Variants in PPP1R10 observed in about 807,000 individuals in gnomAD.
The protein encoded by PPP1R10 is serine/threonine-protein phosphatase 1 regulatory subunit 10.
In PPP1R10, 15 loss-of-function variants were observed where a neutral mutation model predicts 99.0. That is an observed-to-expected ratio of 0.15 (90% CI 0.10 to 0.23). The LOEUF (loss-of-function observed/expected upper bound fraction) is 0.23, where lower values mean the gene tolerates loss of function less well. Among genes scored for constraint, PPP1R10 ranks in the 10% least tolerant of loss-of-function variants. The pLI, the probability that PPP1R10 is intolerant of heterozygous loss-of-function variation, is 1.00. For missense variants in PPP1R10, 947 were observed against 1,259.4 expected, an observed-to-expected ratio of 0.75 and a Z score of 3.75; for synonymous variants, 430 against 449.5, an observed-to-expected ratio of 0.96 and a Z score of 0.55.
rs142621776 is a variant in PPP1R10, at chr6:30,604,700, T to C, written c.990A>G (p.Pro330=). 4 of 1,613,100 alleles carry C rather than the reference T, an allele frequency of 2.5e-6. No homozygotes were observed. Among genetic ancestry groups the C allele is most frequent in the Non-Finnish European group, 3.4e-6 (4 of 1,180,036 alleles). The part of the protein sequence containing the change: ...SPFEGKTSTE[P]STAKPSSPEP... ...CTGGGGAAGAAGGTTTGGCTGTGCT[T>C]GGTTCTGTGCTCGTTTTCCCTTCAA... is the stretch of plus-strand genomic sequence containing the variant. The change falls in exon 12 of 20, where the codon CCA becomes CCG. Residue 330 remains proline (P), a synonymous_variant. Transcript: ENST00000376511. This position sits in a 1 kb window ranked among gnomAD's most constrained non-coding sequence, Gnocchi z 7.3.
chr6:30,604,441 C>G lies in PPP1R10; in HGVS notation c.1173G>C (p.Arg391=), dbSNP rs1803698595. ...TCACACTTTTCCTCTTCCTGCCTTT[C>G]CGGGTCAGTTGGTTAGGATCTCCAG... The part of the protein sequence containing the change: ...ESPGDPNQLT[R]KGRKRKSVTW... The change falls in exon 13 of 20, where the codon CGG becomes CGC. Residue 391 remains arginine, a synonymous_variant. Coordinates refer to ENST00000376511, the MANE Select transcript of PPP1R10 (RefSeq NM_002714.4). The surrounding 1 kb of genome is among the most constrained non-coding windows in gnomAD (Gnocchi z 7.3). 6.2e-7 allele frequency: 1 copy of G among 1,613,342 alleles called. No homozygotes were observed. The highest frequency in any genetic ancestry group is 2.2e-5 in the East Asian group (1 of 44,884).
Position 30,616,539 on chromosome 6 carries a change from G to A in PPP1R10, c.-73C>T, listed in dbSNP as rs1472090187. ...AGGGGGGAGGGGGTAAAATTTTGGA[G>A]GAAAAAAAATAAAACAACCAACCAG... On this transcript the variant is annotated 5_prime_UTR_variant, in exon 2 of 20. Transcript: ENST00000376511. 6.6e-6 allele frequency: 1 copy of A among 151,870 alleles called. No homozygotes were observed. Among genetic ancestry groups the A allele is most frequent in the Admixed American group, 6.6e-5 (1 of 15,236 alleles). The allele number at this position is 151,870 out of a possible 1,614,324, so 9.4% of individuals were successfully genotyped here. A position where few individuals can be genotyped will look rare whatever the true frequency, so the allele number is the denominator to read the frequency against.
chr6:30,609,968 GACAAA>G lies in PPP1R10; in HGVS notation c.-11-18_-11-14del, dbSNP rs1349066575. 2.5e-6 allele frequency: 4 copies of G among 1,580,488 alleles called. No homozygotes were observed. Among genetic ancestry groups the G allele is most frequent in the Non-Finnish European group, 3.5e-6 (4 of 1,149,486 alleles). ...ATGATGGTGGTTTCTATGGTAAGAGGACAAAACAAACAAACCCACAGAATAAATGG... is the reference window on the plus strand; with the variant it reads ...ATGATGGTGGTTTCTATGGTAAGAGGACAAACAAACCCACAGAATAAATGG... On this transcript the variant is annotated splice_polypyrimidine_tract_variant and intron_variant, in intron 2 of 19. Transcript: ENST00000376511. The surrounding 1 kb of genome is among the most constrained non-coding windows in gnomAD (Gnocchi z 4.5).
intron 2 of PPP1R10, among the ~76,000 whole-genome samples, 150 bp downstream of exon 2, chr6:30,616,327 CT>C (rs1240007250): frequency 6.6e-6 from 1 of 152,146 alleles, no homozygotes; most frequent in African/African-American, 2.4e-5. Flanking sequence ...CCCACAGGCC[CT>C]TTTTAATGGA....
In PPP1R10 at chr6:30,602,486, T is replaced by TGGAGGAGGA; in HGVS notation, c.2154_2162dup (p.Pro719_Pro721dup). 6.3e-7 allele frequency: 1 copy of TGGAGGAGGA among 1,581,244 alleles called. No homozygotes were observed. The highest frequency in any genetic ancestry group is 8.6e-7 in the Non-Finnish European group (1 of 1,161,224). The stretch of plus-strand genomic sequence containing the variant: ...AGCGACCTCCTCTGGCGCCTCGGAA[T>TGGAGGAGGA]GGAGGAGGAGGAGGAGGAGGTTCGT... On this transcript the variant is annotated inframe_insertion, in exon 19 of 20. Transcript: ENST00000376511. This position sits in a 1 kb window ranked among gnomAD's most constrained non-coding sequence, Gnocchi z 6.7.
Position 30,606,144 on chromosome 6 carries a change from C to T in PPP1R10, c.734G>A (p.Arg245His). The T allele has an allele frequency of 4.3e-6, 7 of 1,614,072 alleles. No homozygotes were observed. Among genetic ancestry groups the T allele is most frequent in the Non-Finnish European group, 5.9e-6 (7 of 1,179,990 alleles). Residue 245 changes from arginine (R) to histidine (H), a missense_variant, in exon 9 of 20, where the codon CGT becomes CAT. Physicochemically the swap from Arg to His is conservative, Grantham distance 29. Transcript: ENST00000376511. This position sits in a 1 kb window ranked among gnomAD's most constrained non-coding sequence, Gnocchi z 6.3. The stretch of plus-strand genomic sequence containing the variant: ...CTGAGAATATGGTCCATACCTCTGA[C>T]GTTTGAGGGGGATGGGTTTAAGGTT... ...KYNLKPIPLKRQSNVAAPGDA... is the reference protein window; with the variant it reads ...KYNLKPIPLKHQSNVAAPGDA...
Position 30,601,168 on chromosome 6 carries a change from T to A in PPP1R10, c.*381A>T, listed in dbSNP as rs1030203784. The A allele has an allele frequency of 1.8e-5, 4 of 223,150 alleles. No homozygotes were observed. Among genetic ancestry groups the A allele is most frequent in the Middle Eastern group, 1.5e-3 (1 of 646 alleles). 13.8% of individuals were successfully genotyped at this position (223,150 alleles called of 1,614,324 possible). On this transcript the variant is annotated 3_prime_UTR_variant, in exon 20 of 20. Coordinates refer to ENST00000376511, the MANE Select transcript of PPP1R10 (RefSeq NM_002714.4). ...GCTGATCCTGTGTCAGAGTTCTGTG[T>A]GCATGTGGGGACCCGCAATAGAAGG... is the stretch of plus-strand genomic sequence containing the variant.
intron 6 of PPP1R10, 63 bp downstream of exon 6, chr6:30,607,777 A>T: frequency 6.6e-7 from 1 of 1,515,996 alleles, no homozygotes; most frequent in Non-Finnish European, 9.1e-7. Flanking sequence ...GGGAAAAGAT[A>T]TTAAGGTAAT....
At chr6:30,603,141 A>G (rs988388525) in intron 17 of PPP1R10, 69 bp downstream of exon 17, 1 of 1,524,736 alleles carries the variant, frequency 6.6e-7, no homozygotes, top group African/African-American at 1.4e-5. Context: ...GCATCTTTGA[A>G]ACCCTGCTTC....
chr6:30,605,644 A>T (rs1803853856), intron 10 of PPP1R10, among the ~76,000 whole-genome samples: 2 of 152,048 alleles, frequency 1.3e-5, no homozygotes, highest in African/African-American at 4.8e-5. Context: ...GTGGATCACG[A>T]GGTCAGGAAA....
At position 30,602,486 on chromosome 6, in the gene PPP1R10, TGGAGGA is replaced by T. The variant is rs747432159; in HGVS notation, c.2157_2162del (p.Pro720_Pro721del). 20 of 1,581,138 alleles carry T rather than the reference TGGAGGA, an allele frequency of 1.3e-5. No homozygotes were observed. Among genetic ancestry groups the T allele is most frequent in the African/African-American group, 5.4e-5 (4 of 73,672 alleles). On this transcript the variant is annotated inframe_deletion, in exon 19 of 20. Transcript: ENST00000376511. This position sits in a 1 kb window ranked among gnomAD's most constrained non-coding sequence, Gnocchi z 6.7. ...AGCGACCTCCTCTGGCGCCTCGGAA[TGGAGGA>T]GGAGGAGGAGGAGGTTCGTTTCCTC... is the stretch of plus-strand genomic sequence containing the variant.
rs1803768876 is a variant in PPP1R10, at chr6:30,604,900, T to C, written c.954+94A>G. 1.3e-6 allele frequency: 2 copies of C among 1,515,530 alleles called. No homozygotes were observed. Among genetic ancestry groups the C allele is most frequent in the South Asian group, 1.1e-5 (1 of 88,952 alleles). 93.9% of individuals were successfully genotyped at this position (1,515,530 alleles called of 1,614,324 possible). On this transcript the variant is annotated intron_variant, in intron 11 of 19. Transcript: ENST00000376511. The surrounding 1 kb of genome is among the most constrained non-coding windows in gnomAD (Gnocchi z 7.3). ...TCTATATCCAAGGCAAAACGCCTCT[T>C]GTTGTCCTCCCCGACAACTCCTAGC... is the stretch of plus-strand genomic sequence containing the variant.
At chr6:30,616,010 T>A (rs1202159288) in intron 2 of PPP1R10, among the ~76,000 whole-genome samples, 1 of 152,206 alleles carries the variant, frequency 6.6e-6, no homozygotes, top group Non-Finnish European at 1.5e-5. Flanking sequence ...AGATTGCTTA[T>A]TAATCTGGCA....
chr6:30,604,815 TCCC>T lies in PPP1R10; in HGVS notation c.955-83_955-81del. 1 of 1,583,992 alleles carries T rather than the reference TCCC, an allele frequency of 6.3e-7. No homozygotes were observed. The highest frequency in any genetic ancestry group is 8.7e-7 in the Non-Finnish European group (1 of 1,154,792). On this transcript the variant is annotated intron_variant, in intron 11 of 19. Coordinates refer to ENST00000376511, the MANE Select transcript of PPP1R10 (RefSeq NM_002714.4). This position sits in a 1 kb window ranked among gnomAD's most constrained non-coding sequence, Gnocchi z 7.3. ...AATTAGTCCAGGGTCCCAGGCACAG[TCCC>T]CCAACAGTTCCTATATAAAGGAAGA...
In PPP1R10 at chr6:30,606,402, T is replaced by C; in HGVS notation, c.634+66A>G. 6.3e-7 allele frequency: 1 copy of C among 1,590,244 alleles called. No homozygotes were observed. The highest frequency in any genetic ancestry group is 8.6e-7 in the Non-Finnish European group (1 of 1,164,762). ...GATTAACATACCACACATCAAATGATTCCCCCATAAGGCTCTGGGTGTGCA... is the reference window on the plus strand; with the variant it reads ...GATTAACATACCACACATCAAATGACTCCCCCATAAGGCTCTGGGTGTGCA... On this transcript the variant is annotated intron_variant, in intron 8 of 19. Transcript: ENST00000376511. The surrounding 1 kb of genome is among the most constrained non-coding windows in gnomAD (Gnocchi z 6.3).
At chr6:30,601,865 ACT>A in intron 19 of PPP1R10, 69 bp downstream of exon 19, 3 of 1,440,662 alleles carry the variant, frequency 2.1e-6, no homozygotes, top group East Asian at 2.5e-5. Context: ...AACAGTAGTG[ACT>A]CTCACCCACT....
rs773620316 is a variant in PPP1R10, at chr6:30,603,463, G to T, written c.1767+9C>A. ...ACAGAAGGTGGAAAAGGGGAAGGAG[G>T]GTGCGTACCATGATGGAGGTGAGGA... On this transcript the variant is annotated intron_variant, in intron 16 of 19. Transcript: ENST00000376511. The T allele has an allele frequency of 6.2e-7, 1 of 1,603,060 alleles. No individual in the cohort carries two copies. Among genetic ancestry groups the T allele is most frequent in the African/African-American group, 1.3e-5 (1 of 74,446 alleles).
At position 30,604,561 on chromosome 6, in the gene PPP1R10, C is replaced by T. The variant is rs767653700; in HGVS notation, c.1102+27G>A. ...CCAGATCCCTCCTTTCAGAAAACCC[C>T]CCAAACTGAACCAGTTTCTAGATTA... is the stretch of plus-strand genomic sequence containing the variant. On this transcript the variant is annotated intron_variant, in intron 12 of 19. Transcript: ENST00000376511. The surrounding 1 kb of genome is among the most constrained non-coding windows in gnomAD (Gnocchi z 7.3). 3 of 1,612,708 alleles carry T rather than the reference C, an allele frequency of 1.9e-6. No individual in the cohort carries two copies. In the Admixed American group the frequency reaches 5.0e-5, roughly 27 times the overall value.
At chr6:30,616,188 A>T (rs1760510493) in intron 2 of PPP1R10, among the ~76,000 whole-genome samples, 1 of 152,208 alleles carries the variant, frequency 6.6e-6, no homozygotes, top group African/African-American at 2.4e-5. Context: ...GGCAGTCTGG[A>T]AATTGGCTGG....
Sources: allele counts gnomAD v4.1 joint callset (sites outside exome capture counted in the v4.1 genomes callset), GRCh38; gene constraint gnomAD v4.1.1; non-coding constraint Gnocchi (gnomAD v3.1); transcripts MANE v1.5; gene names NCBI Gene and HGNC (gene_info 2026-07-23, HGNC 2026-07-21).